RBFOX1: variants seen among roughly 807,000 people sequenced by gnomAD.
RBFOX1 encodes the protein RNA binding fox-1 homolog 1.
A neutral mutation model predicts 57.7 loss-of-function variants in RBFOX1; 8 were observed. The observed-to-expected ratio is 0.14, with a 90% CI of 0.08 to 0.25. RBFOX1 has a LOEUF of 0.25. Ranked by LOEUF, RBFOX1 falls within the 10% of genes least tolerant of loss-of-function variation. The pLI, the probability that RBFOX1 is intolerant of heterozygous loss-of-function variation, is 1.00. For missense variants in RBFOX1, 611 were observed against 548.5 expected, an observed-to-expected ratio of 1.11 and a Z score of -1.14; for synonymous variants, 326 against 222.4, an observed-to-expected ratio of 1.47 and a Z score of -4.15.
At chr16:6,863,415 G>C (rs1318829060) in intron 3 of RBFOX1, among the ~76,000 whole-genome samples, 1 of 152,008 alleles carries the variant, frequency 6.6e-6, no homozygotes. Context: ...CTAAAATTTA[G>C]AAAAGGCCCA....
chr16:7,374,908 C>G (rs1044218208), intron 4 of RBFOX1, among the ~76,000 whole-genome samples: 3 of 152,162 alleles, frequency 2.0e-5, no homozygotes, highest in Non-Finnish European at 4.4e-5. Flanking sequence ...CCTGCCAGCA[C>G]TAGTATTTCA....
chr16:6,990,087 A>G (rs1035128840), intron 3 of RBFOX1, among the ~76,000 whole-genome samples: 1 of 152,224 alleles, frequency 6.6e-6, no homozygotes, highest in Non-Finnish European at 1.5e-5. Context: ...AAGAGGTCAG[A>G]TACTGCTTGT....
At chr16:5,400,025 A>G (rs2066668943) in intron 1 of RBFOX1, among the ~76,000 whole-genome samples, 1 of 151,902 alleles carries the variant, frequency 6.6e-6, no homozygotes, top group African/African-American at 2.4e-5. Flanking sequence ...ACATCCAGGT[A>G]CTCATCACCT....
At chr16:7,032,767 C>T (rs140857958) in intron 3 of RBFOX1, among the ~76,000 whole-genome samples, 2 of 151,974 alleles carry the variant, frequency 1.3e-5, no homozygotes, top group East Asian at 1.9e-4. Flanking sequence ...TTCCTTTTAC[C>T]CTCTATGAGA....
intron 2 of RBFOX1, among the ~76,000 whole-genome samples, chr16:6,649,530 C>G (rs1602686217): frequency 6.6e-6 from 1 of 152,178 alleles, no homozygotes; most frequent in Non-Finnish European, 1.5e-5. Flanking sequence ...GACACTTTCC[C>G]CTGAGTCCGC....
intron 3 of RBFOX1, among the ~76,000 whole-genome samples, chr16:7,048,725 T>A (rs1380974247): frequency 6.6e-6 from 1 of 152,220 alleles, no homozygotes; most frequent in Admixed American, 6.5e-5. Context: ...TTGGTGTCTG[T>A]GAATGTCTTT....
At chr16:6,811,486 T>A (rs7185957) in intron 3 of RBFOX1, among the ~76,000 whole-genome samples, 84,345 of 151,998 alleles carry the variant, frequency 0.55, 23,878 homozygotes, top group African/African-American at 0.64. Flanking sequence ...GATTTAGGAG[T>A]CAGGGATGTT....
At chr16:6,755,755 T>C (rs1236051051) in intron 3 of RBFOX1, among the ~76,000 whole-genome samples, 1 of 152,196 alleles carries the variant, frequency 6.6e-6, no homozygotes, top group Non-Finnish European at 1.5e-5. Context: ...GTCACCCCCT[T>C]GTACTTTGGC....
intron 9 of RBFOX1, among the ~76,000 whole-genome samples, chr16:7,602,172 T>A (rs1002149045): frequency 2.0e-5 from 3 of 152,224 alleles, no homozygotes; most frequent in Admixed American, 6.5e-5. Context: ...TAACACCCAA[T>A]GCAGTCATAG....
At chr16:7,162,587 C>A (rs9935923) in intron 4 of RBFOX1, among the ~76,000 whole-genome samples, 40,990 of 141,646 alleles carry the variant, frequency 0.29, 7,118 homozygotes, top group African/African-American at 0.49. Context: ...AAAAAAAAAA[C>A]ATTGCCAGGT....
intron 3 of RBFOX1, among the ~76,000 whole-genome samples, chr16:5,724,047 G>T (rs1353479402): frequency 6.6e-5 from 10 of 152,150 alleles, no homozygotes; most frequent in African/African-American, 2.2e-4. Context: ...CCGTGTGTGT[G>T]CATGTGCCTG....
At chr16:7,277,610 G>C (rs770876864) in intron 4 of RBFOX1, among the ~76,000 whole-genome samples, 44 of 152,138 alleles carry the variant, frequency 2.9e-4, no homozygotes, top group Non-Finnish European at 6.5e-4. Context: ...AAGTCTGAAA[G>C]CTCATTATTT....
intron 3 of RBFOX1, among the ~76,000 whole-genome samples, chr16:5,854,267 A>G (rs901837746): frequency 6.6e-6 from 1 of 152,226 alleles, no homozygotes. Context: ...AAGACTGTGC[A>G]TTAATGAGAT....
In RBFOX1 at chr16:7,051,920, A is replaced by T. The variant is rs1353314623; in HGVS notation, c.-15-137A>T. On this transcript the variant is annotated intron_variant, in intron 3 of 15. Transcript: ENST00000550418. ...GTGAAGCTTGAGCTATGTAGACCTAAAGAAAAATTAAATACATAATTAATT... is the reference window on the plus strand; with the variant it reads ...GTGAAGCTTGAGCTATGTAGACCTATAGAAAAATTAAATACATAATTAATT... 4 of 1,359,886 alleles carry T rather than the reference A, an allele frequency of 2.9e-6. No individual in the cohort carries two copies. In the East Asian group the frequency reaches 1.0e-4, roughly 35 times the overall value. The allele number at this position is 1,359,886 out of a possible 1,614,324, so 84.2% of individuals were successfully genotyped here.
At chr16:5,801,069 G>T (rs2055040389) in intron 3 of RBFOX1, among the ~76,000 whole-genome samples, 1 of 152,106 alleles carries the variant, frequency 6.6e-6, no homozygotes, top group African/African-American at 2.4e-5. Context: ...AGACACAGTT[G>T]AGTTAAAAAT....
chr16:5,756,619 A>G (rs184817785), intron 3 of RBFOX1, among the ~76,000 whole-genome samples: 1 of 152,194 alleles, frequency 6.6e-6, no homozygotes, highest in Admixed American at 6.5e-5. Context: ...CTAATCTGGC[A>G]CCATTTATGC....
At chr16:7,119,505 G>A (rs1489446383) in intron 4 of RBFOX1, among the ~76,000 whole-genome samples, 1 of 151,890 alleles carries the variant, frequency 6.6e-6, no homozygotes, top group Non-Finnish European at 1.5e-5. Flanking sequence ...AGTTAGATGG[G>A]ATATATTTAG....
intron 4 of RBFOX1, among the ~76,000 whole-genome samples, chr16:7,356,931 A>T (rs1397581119): frequency 2.0e-5 from 3 of 152,152 alleles, no homozygotes; most frequent in Admixed American, 1.3e-4. Flanking sequence ...GGGAAAGAAG[A>T]TTGAGATCAA....
chr16:5,323,684 C>A (rs1001692508), intron 1 of RBFOX1, among the ~76,000 whole-genome samples: 1 of 152,220 alleles, frequency 6.6e-6, no homozygotes, highest in African/African-American at 2.4e-5. Flanking sequence ...AATAAGCTAA[C>A]CCGGGCTTCA....
Sources: gnomAD v4.1 joint callset for allele counts (sites outside exome capture counted in the v4.1 genomes callset) on GRCh38, gnomAD v4.1.1 for gene constraint, MANE v1.5 for transcripts, NCBI Gene and HGNC (gene_info 2026-07-23, HGNC 2026-07-21) for gene names.